GTF2E2: variants seen among roughly 807,000 people sequenced by gnomAD.
The protein encoded by GTF2E2 is general transcription factor IIE subunit 2.
A neutral mutation model predicts 40.5 loss-of-function variants in GTF2E2; 21 were observed. The observed-to-expected ratio is 0.52, with a 90% CI of 0.37 to 0.75. The LOEUF (loss-of-function observed/expected upper bound fraction) is 0.75, where lower values mean the gene tolerates loss of function less well. GTF2E2 is among the 30% of genes least tolerant of loss of function. The probability of loss-of-function intolerance (pLI) is 0.00; values close to 1 mark genes in which losing one functional copy is unlikely to be tolerated. For missense variants in GTF2E2, 298 were observed against 338.4 expected (o/e 0.88, Z 0.94); for synonymous variants, 117 against 121.6 (o/e 0.96, Z 0.25).
At chr8:30,650,047 ACT>A (rs1450568779) in intron 2 of GTF2E2, among the ~76,000 whole-genome samples, 1 of 152,136 alleles carries the variant, frequency 6.6e-6, no homozygotes, top group Non-Finnish European at 1.5e-5. Flanking sequence ...AGTTTCACAA[ACT>A]CTTTCAGAAA....
intron 2 of GTF2E2, among the ~76,000 whole-genome samples, chr8:30,640,275 T>C (rs2128725557): frequency 6.6e-6 from 1 of 152,312 alleles, no homozygotes; most frequent in East Asian, 1.9e-4. Context: ...TCAAAGGCTT[T>C]TACCATAAAT....
intron 3 of GTF2E2, among the ~76,000 whole-genome samples, chr8:30,615,573 T>C (rs1339188938): frequency 1.3e-5 from 2 of 152,202 alleles, no homozygotes; most frequent in East Asian, 1.9e-4. Flanking sequence ...AAGTTCTCTA[T>C]GTGCTAATTT....
chr8:30,656,594 G>A (rs1802455642), intron 1 of GTF2E2, among the ~76,000 whole-genome samples: 1 of 152,122 alleles, frequency 6.6e-6, no homozygotes, highest in South Asian at 2.1e-4. Context: ...GGATCACGAG[G>A]TCAGGAGTTC....
rs182955858 is a variant in GTF2E2, at chr8:30,630,120, A to G, written c.258+4912T>C. On this transcript the variant is annotated intron_variant, in intron 3 of 7. Transcript: ENST00000355904. The stretch of plus-strand genomic sequence containing the variant: ...TAAAAATCCTCCTAAAATAAACCAT[A>G]AAGTTCCTCTTTCATCTTAACCAGG... 1.3e-3 allele frequency among the ~76,000 whole-genome samples: 199 copies of G among 152,294 alleles called. 2 individuals carry two copies. Among genetic ancestry groups the G allele is most frequent in the South Asian group, 0.012 (58 of 4,814 alleles).
intron 6 of GTF2E2, among the ~76,000 whole-genome samples, chr8:30,592,465 G>A (rs576898296): frequency 7.2e-5 from 11 of 152,236 alleles, no homozygotes; most frequent in East Asian, 3.9e-4. Flanking sequence ...ATTCCATTAC[G>A]GCTCACACAC....
At chr8:30,587,331 T>C (rs1828711023) in intron 6 of GTF2E2, among the ~76,000 whole-genome samples, 1 of 152,088 alleles carries the variant, frequency 6.6e-6, no homozygotes, top group South Asian at 2.1e-4. Context: ...CAGGATCACT[T>C]CAGCCTGGGA....
intron 3 of GTF2E2, among the ~76,000 whole-genome samples, chr8:30,619,471 C>T (rs746407317): frequency 3.3e-5 from 5 of 151,748 alleles, no homozygotes; most frequent in Non-Finnish European, 7.4e-5. Context: ...TCACCGCAAC[C>T]GCCACCTCCC....
At chr8:30,629,373 G>C (rs1801373173) in intron 3 of GTF2E2, among the ~76,000 whole-genome samples, 2 of 152,068 alleles carry the variant, frequency 1.3e-5, no homozygotes, top group Non-Finnish European at 2.9e-5. Context: ...TCAAACTTCA[G>C]CATGTATCAC....
intron 2 of GTF2E2, among the ~76,000 whole-genome samples, chr8:30,639,768 T>G (rs551487098): frequency 2.8e-5 from 4 of 144,914 alleles, no homozygotes; most frequent in East Asian, 1.9e-4. Flanking sequence ...AGGGTTTTTG[T>G]TTTTTTTTTC....
intron 6 of GTF2E2, among the ~76,000 whole-genome samples, chr8:30,602,242 T>G (rs965443514): frequency 1.3e-5 from 2 of 152,122 alleles, no homozygotes; most frequent in Non-Finnish European, 2.9e-5. Flanking sequence ...GGTCTTGAAA[T>G]CCTGACCTCA....
intron 3 of GTF2E2, among the ~76,000 whole-genome samples, chr8:30,617,451 AG>A (rs1396753087): frequency 6.6e-6 from 1 of 152,176 alleles, no homozygotes; most frequent in Non-Finnish European, 1.5e-5. Context: ...AAGCTACAAA[AG>A]TTAGATATGG....
chr8:30,627,922 G>C (rs1801334432), intron 3 of GTF2E2, among the ~76,000 whole-genome samples: 1 of 152,200 alleles, frequency 6.6e-6, no homozygotes, highest in African/African-American at 2.4e-5. Flanking sequence ...AAAATAATAT[G>C]AACCAGTTGA....
chr8:30,593,457 T>C (rs570431982), intron 6 of GTF2E2, among the ~76,000 whole-genome samples: 8 of 152,348 alleles, frequency 5.3e-5, no homozygotes, highest in African/African-American at 1.9e-4. Context: ...AGGACTATTA[T>C]GTACTCTTGG....
rs1424743228 is a variant in GTF2E2, at chr8:30,653,531, T to TCTA, written c.65_67dup (p.Val22dup). ...TGACTCAGAAGATGCTGAACGTTTT[T>TCTA]CTACTACAGGAGTAGAAAGAGCTCG... is the stretch of plus-strand genomic sequence containing the variant. On this transcript the variant is annotated inframe_insertion, in exon 2 of 8. Transcript: ENST00000355904. The TCTA allele has an allele frequency of 6.2e-7, 1 of 1,613,554 alleles. No homozygotes were observed. The highest frequency in any genetic ancestry group is 2.2e-5 in the East Asian group (1 of 44,866).
intron 6 of GTF2E2, among the ~76,000 whole-genome samples, chr8:30,587,883 A>AC (rs1163790196): frequency 6.6e-6 from 1 of 151,214 alleles, no homozygotes; most frequent in African/African-American, 2.4e-5. Flanking sequence ...AAAAAAAAAA[A>AC]AAAAAAAAAA....
At chr8:30,627,468 A>AAC (rs770361184) in intron 3 of GTF2E2, among the ~76,000 whole-genome samples, 6 of 151,142 alleles carry the variant, frequency 4.0e-5, no homozygotes, top group Non-Finnish European at 5.9e-5. Flanking sequence ...AAAAAAAAAA[A>AAC]AAACTCAGGA....
chr8:30,654,947 AT>A (rs774421511), intron 1 of GTF2E2, among the ~76,000 whole-genome samples: 2 of 152,176 alleles, frequency 1.3e-5, no homozygotes, highest in Non-Finnish European at 2.9e-5. Flanking sequence ...TTTGTTAGAA[AT>A]GTCTACAGAG....
At chr8:30,593,331 A>G (rs1306644681) in intron 6 of GTF2E2, among the ~76,000 whole-genome samples, 1 of 152,210 alleles carries the variant, frequency 6.6e-6, no homozygotes, top group Non-Finnish European at 1.5e-5. Flanking sequence ...CTGTTCAATC[A>G]ACTACTGAAA....
intron 3 of GTF2E2, among the ~76,000 whole-genome samples, chr8:30,616,899 G>T (rs1800935746): frequency 6.6e-6 from 1 of 152,010 alleles, no homozygotes; most frequent in South Asian, 2.1e-4. Context: ...GGGAAGGGTA[G>T]AAATAAGTAT....
Sources: gnomAD v4.1 joint callset for allele counts (sites outside exome capture counted in the v4.1 genomes callset) on GRCh38, gnomAD v4.1.1 for gene constraint, MANE v1.5 for transcripts, NCBI Gene and HGNC (gene_info 2026-07-23, HGNC 2026-07-21) for gene names.